The following EYS variants were observed in gnomAD, a reference collection of about 807,000 sequenced individuals.
The protein encoded by EYS is EGF-like photoreceptor maintenance factor.
In EYS, 250 loss-of-function variants were observed where a neutral mutation model predicts 282.1. The ratio of observed to expected loss-of-function variants is 0.89; its 90% confidence interval spans 0.80 to 0.98. The LOEUF is 0.98. EYS is among the 50% of genes least tolerant of loss of function. The pLI is 0.00. For missense variants in EYS, 4,016 were observed against 3,709.0 expected, an observed-to-expected ratio of 1.08 and a Z score of -2.15; for synonymous variants, 1,355 against 1,282.9, an observed-to-expected ratio of 1.06 and a Z score of -1.20.
In EYS at chr6:65,354,965, A is replaced by T. The variant is rs527450689; in HGVS notation, c.1300-1348T>A. 2.0e-5 allele frequency among the ~76,000 whole-genome samples: 3 copies of T among 152,284 alleles called. No individual in the cohort carries two copies. The East Asian group carries it at 5.8e-4, about 29-fold the overall frequency. ...TCAAAATCTTTAACCCATTACTTTT[A>T]TACTGAGACATCAAATGTTGAAGTC... On this transcript the variant is annotated intron_variant, in intron 8 of 42. Coordinates refer to ENST00000503581, the MANE Select transcript of EYS (RefSeq NM_001142800.2).
chr6:64,387,188 T>C (rs1187411080), intron 29 of EYS, among the ~76,000 whole-genome samples: 1 of 152,140 alleles, frequency 6.6e-6, no homozygotes, highest in Non-Finnish European at 1.5e-5. Context: ...GTATATGTAA[T>C]ATTGTCTCTG....
intron 22 of EYS, among the ~76,000 whole-genome samples, chr6:64,661,270 A>T (rs138362795): frequency 0.64 from 97,149 of 151,900 alleles, 31,300 homozygotes; most frequent in African/African-American, 0.71. Context: ...GTTAGACCTG[A>T]AACCATAAAA....
At chr6:65,626,309 C>T (rs1416015493) in intron 2 of EYS, among the ~76,000 whole-genome samples, 1 of 152,178 alleles carries the variant, frequency 6.6e-6, no homozygotes, top group Non-Finnish European at 1.5e-5. Context: ...TATTTAGGGG[C>T]TAAAACAGAG....
At chr6:64,042,198 T>C (rs945792163) in intron 33 of EYS, among the ~76,000 whole-genome samples, 12 of 152,194 alleles carry the variant, frequency 7.9e-5, no homozygotes, top group African/African-American at 2.4e-4. Context: ...CTTGGAGTCA[T>C]TTGTAGAATT....
At chr6:64,271,539 A>G (rs1310480641) in intron 30 of EYS, among the ~76,000 whole-genome samples, 2 of 152,134 alleles carry the variant, frequency 1.3e-5, no homozygotes, top group Non-Finnish European at 2.9e-5. Flanking sequence ...AGTTATAGAG[A>G]GAGCCTCTTA....
intron 1 of EYS, among the ~76,000 whole-genome samples, chr6:65,695,831 A>G (rs557287088): frequency 8.6e-5 from 13 of 152,010 alleles, no homozygotes; most frequent in Non-Finnish European, 1.5e-4. Context: ...ATTACAAAGT[A>G]GCAATTTGGC....
At chr6:64,169,870 T>C (rs910049164) in intron 31 of EYS, among the ~76,000 whole-genome samples, 40 of 152,152 alleles carry the variant, frequency 2.6e-4, no homozygotes, top group African/African-American at 9.6e-4. Flanking sequence ...CTTAGACCAC[T>C]GGAGTCTGGG....
intron 22 of EYS, among the ~76,000 whole-genome samples, chr6:64,660,472 T>A (rs9345356): frequency 4.7e-5 from 7 of 148,274 alleles, no homozygotes; most frequent in South Asian, 2.1e-4. Context: ...TGACATGATT[T>A]TATATCTAGA....
rs576698023 is a variant in EYS, at chr6:65,402,186, T to A, written c.1184+292A>T. ...ATCTCTCTCTTTTCTTTCTAGATCTTCAATTATTATTTGATTATATTAAAA... is the reference window on the plus strand; with the variant it reads ...ATCTCTCTCTTTTCTTTCTAGATCTACAATTATTATTTGATTATATTAAAA... On this transcript the variant is annotated intron_variant, in intron 7 of 42. Transcript: ENST00000503581. Among the ~76,000 whole-genome samples, 93 of 151,958 alleles carry A rather than the reference T, an allele frequency of 6.1e-4. 1 individual carries two copies. The highest frequency in any genetic ancestry group is 2.2e-3 in the African/African-American group (93 of 41,520).
At chr6:64,891,256 TA>T (rs1287453999) in intron 18 of EYS, among the ~76,000 whole-genome samples, 1 of 152,080 alleles carries the variant, frequency 6.6e-6, no homozygotes, top group African/African-American at 2.4e-5. Context: ...TCCACCACAC[TA>T]AACAATATGA....
At chr6:63,994,261 G>T (rs562496487) in intron 34 of EYS, among the ~76,000 whole-genome samples, 1 of 151,724 alleles carries the variant, frequency 6.6e-6, no homozygotes, top group African/African-American at 2.4e-5. Flanking sequence ...ATAATTACAC[G>T]GCATTAAAAT....
intron 26 of EYS, among the ~76,000 whole-genome samples, chr6:64,502,592 A>G (rs554889780): frequency 1.3e-5 from 2 of 152,264 alleles, no homozygotes; most frequent in East Asian, 1.9e-4. Flanking sequence ...TTTCAAAACA[A>G]TATTTTTCTA....
rs1327163225 is a variant in EYS at position 64,715,189 on chromosome 6, G to T, written c.3444-88944C>A. Among the ~76,000 whole-genome samples the T allele has an allele frequency of 3.3e-5, 5 of 151,986 alleles. No individual in the cohort carries two copies. The East Asian group carries it at 9.6e-4, about 29-fold the overall frequency. On this transcript the variant is annotated intron_variant, in intron 22 of 42. Coordinates refer to ENST00000503581, the MANE Select transcript of EYS (RefSeq NM_001142800.2). ...TGTAATATTTAATGAAATAATTATA[G>T]AACTCACTATAATGTAGAATCAGTG...
intron 5 of EYS, among the ~76,000 whole-genome samples, chr6:65,473,806 C>A (rs978906090): frequency 6.7e-6 from 1 of 150,262 alleles, no homozygotes; most frequent in African/African-American, 2.4e-5. Flanking sequence ...AAAATTTCCT[C>A]CACAGGAAAA....
chr6:65,641,643 G>C (rs960510268), intron 1 of EYS, among the ~76,000 whole-genome samples: 1 of 152,088 alleles, frequency 6.6e-6, no homozygotes, highest in Non-Finnish European at 1.5e-5. Context: ...TCTGTACTGC[G>C]TACTGTTTTA....
intron 31 of EYS, among the ~76,000 whole-genome samples, chr6:64,124,145 G>A (rs1406218031): frequency 6.6e-6 from 1 of 152,174 alleles, no homozygotes; most frequent in Non-Finnish European, 1.5e-5. Flanking sequence ...TTCTTGTAGT[G>A]TCTTATTTTC....
chr6:65,089,932 G>T (rs926268303), intron 12 of EYS, among the ~76,000 whole-genome samples: 1 of 142,376 alleles, frequency 7.0e-6, no homozygotes, highest in Non-Finnish European at 1.5e-5. Flanking sequence ...ATTCTAGCCT[G>T]GGCAAGAAAG....
At chr6:64,890,856 C>T (rs1170603532) in intron 18 of EYS, among the ~76,000 whole-genome samples, 1 of 151,992 alleles carries the variant, frequency 6.6e-6, no homozygotes, top group African/African-American at 2.4e-5. Flanking sequence ...CATAATGATC[C>T]TTTCTTCTAA....
chr6:63,780,761 C>T (rs1042316758), intron 39 of EYS, among the ~76,000 whole-genome samples: 3 of 152,320 alleles, frequency 2.0e-5, no homozygotes, highest in Admixed American at 6.5e-5. Flanking sequence ...AATTAGATCC[C>T]ATTTGTCAAT....
Sources: gnomAD v4.1 joint callset for allele counts (sites outside exome capture counted in the v4.1 genomes callset) on GRCh38, gnomAD v4.1.1 for gene constraint, MANE v1.5 for transcripts, NCBI Gene and HGNC (gene_info 2026-07-23, HGNC 2026-07-21) for gene names.